The following UNC5D variants were observed in gnomAD, a reference collection of about 807,000 sequenced individuals.
The protein encoded by UNC5D is unc-5 netrin receptor D, also known as netrin receptor UNC5D.
A neutral mutation model predicts 105.4 loss-of-function variants in UNC5D; 39 were observed. That is an observed-to-expected ratio of 0.37 (90% CI 0.29 to 0.48). UNC5D has a LOEUF of 0.48. Among genes scored for constraint, UNC5D ranks in the 20% least tolerant of loss-of-function variants. The pLI, the probability that UNC5D is intolerant of heterozygous loss-of-function variation, is 0.98. For missense variants in UNC5D, 991 were observed against 1,202.4 expected (o/e 0.82, Z 2.60); for synonymous variants, 452 against 450.4 (o/e 1.00, Z -0.04).
intron 4 of UNC5D, among the ~76,000 whole-genome samples, chr8:35,674,627 A>AACTC (rs1307661037): frequency 2.0e-5 from 3 of 152,162 alleles, no homozygotes; most frequent in African/African-American, 7.2e-5. Context: ...ATTTGATCAA[A>AACTC]ACTCACACTA....
At chr8:35,702,509 A>G (rs1827280176) in intron 7 of UNC5D, among the ~76,000 whole-genome samples, 1 of 152,124 alleles carries the variant, frequency 6.6e-6, no homozygotes, top group Non-Finnish European at 1.5e-5. Flanking sequence ...ACTAAGGGTC[A>G]TTTTAACTTG....
At chr8:35,504,510 G>A (rs1346401717) in intron 1 of UNC5D, among the ~76,000 whole-genome samples, 1 of 152,138 alleles carries the variant, frequency 6.6e-6, no homozygotes, top group Non-Finnish European at 1.5e-5. Context: ...GGTGTAATGT[G>A]AGGAATGCAT....
intron 1 of UNC5D, among the ~76,000 whole-genome samples, chr8:35,325,223 A>G (rs1464553892): frequency 6.6e-6 from 1 of 152,206 alleles, no homozygotes; most frequent in East Asian, 1.9e-4. Flanking sequence ...GCTAACTTTT[A>G]AACGTGATTT....
At chr8:35,768,120 T>A (rs60662432) in intron 15 of UNC5D, among the ~76,000 whole-genome samples, 12,076 of 151,966 alleles carry the variant, frequency 0.079, 1,335 homozygotes, top group African/African-American at 0.25. Context: ...TTTTCCTGGA[T>A]AATTTATAGC....
At chr8:35,307,944 G>A (rs953521707) in intron 1 of UNC5D, among the ~76,000 whole-genome samples, 28 of 152,230 alleles carry the variant, frequency 1.8e-4, no homozygotes, top group African/African-American at 5.3e-4. Flanking sequence ...CATATGTGGC[G>A]ATATTGAGGG....
chr8:35,555,350 T>G (rs1248911057), intron 2 of UNC5D, among the ~76,000 whole-genome samples: 1 of 152,314 alleles, frequency 6.6e-6, no homozygotes, highest in East Asian at 1.9e-4. Context: ...CCAATTTAGC[T>G]TTTCCTACAA....
intron 1 of UNC5D, among the ~76,000 whole-genome samples, chr8:35,363,638 A>G (rs1180173576): frequency 1.3e-5 from 2 of 152,124 alleles, no homozygotes; most frequent in Non-Finnish European, 2.9e-5. Flanking sequence ...AATTTGTCCC[A>G]TTATTGGTGA....
chr8:35,515,129 T>A (rs891992580), intron 1 of UNC5D, among the ~76,000 whole-genome samples: 4 of 152,178 alleles, frequency 2.6e-5, no homozygotes, highest in South Asian at 4.1e-4. Context: ...GCATGGCAAA[T>A]GATGTTCTTC....
intron 1 of UNC5D, among the ~76,000 whole-genome samples, chr8:35,536,069 C>G (rs1424209889): frequency 6.6e-6 from 1 of 152,208 alleles, no homozygotes; most frequent in East Asian, 1.9e-4. Context: ...CAGATTGCCT[C>G]TTGATAAAAA....
At chr8:35,554,057 A>G (rs1816357126) in intron 2 of UNC5D, among the ~76,000 whole-genome samples, 1 of 152,184 alleles carries the variant, frequency 6.6e-6, no homozygotes, top group African/African-American at 2.4e-5. Context: ...TTTTACTTAT[A>G]GGCATTCTGT....
chr8:35,263,575 C>T (rs1262519288), intron 1 of UNC5D, among the ~76,000 whole-genome samples: 4 of 152,108 alleles, frequency 2.6e-5, no homozygotes, highest in Non-Finnish European at 4.4e-5. Context: ...ATTTTTGTTT[C>T]TAAGTCATAA....
chr8:35,402,029 G>A (rs959611654), intron 1 of UNC5D, among the ~76,000 whole-genome samples: 20 of 152,148 alleles, frequency 1.3e-4, no homozygotes, highest in African/African-American at 3.9e-4. Flanking sequence ...TGATCATTCT[G>A]TGCATGATTG....
intron 7 of UNC5D, among the ~76,000 whole-genome samples, chr8:35,688,282 A>T (rs1387238554): frequency 6.6e-6 from 1 of 151,114 alleles, no homozygotes; most frequent in Non-Finnish European, 1.5e-5. Context: ...CAAGTTTGTG[A>T]TTTTCTCAGG....
intron 1 of UNC5D, chr8:35,525,839 A>G: frequency 1.5e-6 from 2 of 1,362,882 alleles, no homozygotes; most frequent in East Asian, 5.0e-5. Flanking sequence ...TGTTACTTCA[A>G]AGGCATTTAG....
At chr8:35,571,046 G>T (rs747030515) in intron 3 of UNC5D, among the ~76,000 whole-genome samples, 7 of 151,970 alleles carry the variant, frequency 4.6e-5, no homozygotes, top group Non-Finnish European at 1.0e-4. Context: ...GAGAAATGGG[G>T]TTTGCTATGT....
chr8:35,765,609 T>C (rs1379016786), intron 14 of UNC5D, among the ~76,000 whole-genome samples: 1 of 152,158 alleles, frequency 6.6e-6, no homozygotes, highest in Non-Finnish European at 1.5e-5. Context: ...GTATCCAAAA[T>C]AAAAATCTGT....
intron 1 of UNC5D, among the ~76,000 whole-genome samples, chr8:35,387,349 C>A (rs1428837547): frequency 1.5e-5 from 2 of 132,334 alleles, no homozygotes; most frequent in East Asian, 4.4e-4. Flanking sequence ...GGCGACACAG[C>A]GAGACTCCAT....
intron 1 of UNC5D, among the ~76,000 whole-genome samples, chr8:35,322,353 T>A (rs761989375): frequency 1.3e-5 from 2 of 152,110 alleles, no homozygotes; most frequent in Non-Finnish European, 2.9e-5. Flanking sequence ...TTTTTCTTTT[T>A]GGTTCCCTTT....
chr8:35,609,142 T>C (rs1376101598), intron 4 of UNC5D, among the ~76,000 whole-genome samples: 1 of 152,214 alleles, frequency 6.6e-6, no homozygotes, highest in Admixed American at 6.5e-5. Context: ...GGCTTTAATT[T>C]ACATTTGTTG....
Sources: gnomAD v4.1 joint callset for allele counts (sites outside exome capture counted in the v4.1 genomes callset) on GRCh38, gnomAD v4.1.1 for gene constraint, MANE v1.5 for transcripts, NCBI Gene and HGNC (gene_info 2026-07-23, HGNC 2026-07-21) for gene names.